RXRA: variants seen among roughly 807,000 people sequenced by gnomAD.
RXRA encodes retinoid X receptor alpha.
In RXRA, 5 loss-of-function variants were observed where a neutral mutation model predicts 44.5. That is an observed-to-expected ratio of 0.11 (90% CI 0.06 to 0.24). The LOEUF (loss-of-function observed/expected upper bound fraction) is 0.24. Ranked by LOEUF, RXRA falls within the 10% of genes least tolerant of loss-of-function variation. The probability of loss-of-function intolerance (pLI) is 1.00; values close to 1 mark genes in which losing one functional copy is unlikely to be tolerated. For missense variants in RXRA, 412 were observed against 646.5 expected (o/e 0.64, Z 3.93); for synonymous variants, 291 against 271.4 (o/e 1.07, Z -0.71).
At chr9:134,425,500 G>A (rs1274667850) in intron 6 of RXRA, 2 of 981,002 alleles carry the variant, frequency 2.0e-6, no homozygotes, top group Admixed American at 6.4e-5. Context: ...CAGCGGGGTC[G>A]TCTGAGGGCC....
In RXRA at chr9:134,343,043, C is replaced by T. The variant is rs1474648969; in HGVS notation, c.28+16384C>T. 6.6e-6 allele frequency among the ~76,000 whole-genome samples: 1 copy of T among 152,178 alleles called. No individual in the cohort carries two copies. Among genetic ancestry groups the T allele is most frequent in the African/African-American group, 2.4e-5 (1 of 41,446 alleles). On this transcript the variant is annotated intron_variant, in intron 1 of 9. Transcript: ENST00000481739. The surrounding 1 kb of genome is among the most constrained non-coding windows in gnomAD (Gnocchi z 4.1). The stretch of plus-strand genomic sequence containing the variant: ...GCCCCAGCAGATTATGGGATTTTCA[C>T]CTGCCCAGCCCTGGGAGGTGTCTTG...
intron 1 of RXRA, among the ~76,000 whole-genome samples, chr9:134,398,332 G>T (rs897164052): frequency 6.7e-6 from 1 of 150,242 alleles, no homozygotes; most frequent in Non-Finnish European, 1.5e-5. Context: ...ACTTAATCAG[G>T]GGTGGGGACG....
rs942895704 is a variant in RXRA at position 134,433,037 on chromosome 9, A to G, written c.1135+1041A>G. Among the ~76,000 whole-genome samples the G allele has an allele frequency of 2.0e-5, 3 of 151,970 alleles. No homozygotes were observed. Among genetic ancestry groups the G allele is most frequent in the Non-Finnish European group, 2.9e-5 (2 of 67,982 alleles). The stretch of plus-strand genomic sequence containing the variant: ...CTGCTGTGGGGAGCTCACTTGGGCT[A>G]TGGTGGAGGGAGTGGAGCCCTCTCG... On this transcript the variant is annotated intron_variant, in intron 8 of 9. Coordinates refer to ENST00000481739, the MANE Select transcript of RXRA (RefSeq NM_002957.6). The surrounding 1 kb of genome is among the most constrained non-coding windows in gnomAD (Gnocchi z 4.2).
intron 6 of RXRA, chr9:134,424,796 G>A: frequency 1.0e-6 from 1 of 985,470 alleles, no homozygotes. Flanking sequence ...CCCCTCCAGG[G>A]GGCTCAGGTC....
intron 1 of RXRA, among the ~76,000 whole-genome samples, chr9:134,359,465 G>T (rs1320934221): frequency 6.6e-6 from 1 of 151,998 alleles, no homozygotes; most frequent in Non-Finnish European, 1.5e-5. Flanking sequence ...CCTCTCCACC[G>T]GGTGCGCCCT....
At chr9:134,406,408 A>AG (rs1239830816) in intron 2 of RXRA, 3 of 152,060 alleles carry the variant, frequency 2.0e-5, no homozygotes, top group South Asian at 2.1e-4. Context: ...AAAAAAAAAA[A>AG]AAAAAAGAGA....
intron 1 of RXRA, chr9:134,380,274 T>C (rs1311778672): frequency 1.2e-6 from 1 of 849,576 alleles, no homozygotes; most frequent in Non-Finnish European, 1.4e-6. Context: ...CACTGTGAGC[T>C]GGCGTGCTGA....
intron 1 of RXRA, 175 bp from the exon 2 acceptor site, chr9:134,401,457 C>T (rs1588288643): frequency 7.2e-6 from 7 of 971,684 alleles, no homozygotes; most frequent in East Asian, 4.8e-5. Flanking sequence ...CTGGGCACAC[C>T]TGGCCCGTAG....
At chr9:134,326,939 C>G (rs1403637742) in intron 1 of RXRA, among the ~76,000 whole-genome samples, 3 of 150,532 alleles carry the variant, frequency 2.0e-5, no homozygotes, top group East Asian at 3.9e-4. Flanking sequence ...TCCCGCTCAC[C>G]GGCGGCCGCC....
In RXRA at chr9:134,417,664, C is replaced by T. The variant is rs939967833; in HGVS notation, c.780+337C>T. Among the ~76,000 whole-genome samples, 6 of 152,246 alleles carry T rather than the reference C, an allele frequency of 3.9e-5. No individual in the cohort carries two copies. Among genetic ancestry groups the T allele is most frequent in the South Asian group, 2.1e-4 (1 of 4,826 alleles). ...TGTCCCCTCGGAGTTTGGCCTGTCT[C>T]GGTGCAGAGGCTGTCCCTGCTCCCC... On this transcript the variant is annotated intron_variant, in intron 5 of 9. Transcript: ENST00000481739. This position sits in a 1 kb window ranked among gnomAD's most constrained non-coding sequence, Gnocchi z 6.1.
At position 134,438,949 on chromosome 9, in the gene RXRA, A is replaced by G. The variant is rs1172446847; in HGVS notation, c.*2335A>G. On this transcript the variant is annotated 3_prime_UTR_variant, in exon 10 of 10. Transcript: ENST00000481739. ...CCACAGCAGCCTTACCCACCGCTCTACGTGTCCCGGGCACTTCCCGCAGCC... is the reference window on the plus strand; with the variant it reads ...CCACAGCAGCCTTACCCACCGCTCTGCGTGTCCCGGGCACTTCCCGCAGCC... The G allele has an allele frequency of 2.0e-5, 3 of 152,306 alleles. No individual in the cohort carries two copies. In the East Asian group the frequency reaches 5.8e-4, roughly 29 times the overall value. The allele number at this position is 152,306 out of a possible 1,614,324, so 9.4% of individuals were successfully genotyped here.
chr9:134,327,240 G>A (rs1834930385), intron 1 of RXRA, among the ~76,000 whole-genome samples: 1 of 152,166 alleles, frequency 6.6e-6, no homozygotes. Flanking sequence ...GTCAGACCTG[G>A]GAAGGCCCCA....
intron 1 of RXRA, among the ~76,000 whole-genome samples, chr9:134,353,885 G>A (rs1024834211): frequency 4.6e-5 from 7 of 152,192 alleles, no homozygotes; most frequent in African/African-American, 1.7e-4. Flanking sequence ...CGGTGAGCTC[G>A]GACAGCCTGG....
At chr9:134,386,373 A>C (rs903934376) in intron 1 of RXRA, among the ~76,000 whole-genome samples, 1 of 152,158 alleles carries the variant, frequency 6.6e-6, no homozygotes, top group Non-Finnish European at 1.5e-5. Context: ...CGGGCGGGGG[A>C]CCGCAGGTGG....
chr9:134,368,839 C>A (rs750143263), intron 1 of RXRA, among the ~76,000 whole-genome samples: 7 of 136,080 alleles, frequency 5.1e-5, no homozygotes, highest in Non-Finnish European at 9.2e-5. Context: ...TGTGTGACTG[C>A]ATATGTGTGT....
At chr9:134,401,163 C>G (rs1480706943) in intron 1 of RXRA, among the ~76,000 whole-genome samples, 2 of 152,260 alleles carry the variant, frequency 1.3e-5, no homozygotes, top group Non-Finnish European at 2.9e-5. Context: ...CTGACCAGGT[C>G]CTGGTACACG....
chr9:134,424,421 AG>A, intron 6 of RXRA: 1 of 985,358 alleles, frequency 1.0e-6, no homozygotes, highest in South Asian at 4.7e-5. Context: ...GCGCCCACTG[AG>A]GTCCTTGCTG....
chr9:134,409,237 G>T, intron 4 of RXRA, 118 bp downstream of exon 4: 1 of 1,073,000 alleles, frequency 9.3e-7, no homozygotes, highest in Non-Finnish European at 1.3e-6. Context: ...CAGAAGCATG[G>T]CAAGGCCAAG....
rs1373167169 is a variant in RXRA, at chr9:134,439,425, T to C, written c.*2811T>C. 3 of 152,354 alleles carry C rather than the reference T, an allele frequency of 2.0e-5. No individual in the cohort carries two copies. The highest frequency in any genetic ancestry group is 2.0e-4 in the Admixed American group (3 of 15,312). The allele number at this position is 152,354 out of a possible 1,614,324, so 9.4% of individuals were successfully genotyped here. A position where few individuals can be genotyped will look rare whatever the true frequency, so the allele number is the denominator to read the frequency against. The stretch of plus-strand genomic sequence containing the variant: ...TCCCCTAGGCTGCGTCGGGCATGCT[T>C]GGAAGCTGGCCTGCCAGGACCTTCC... On this transcript the variant is annotated 3_prime_UTR_variant, in exon 10 of 10. Transcript: ENST00000481739.
Sources: gnomAD v4.1 joint callset for allele counts (sites outside exome capture counted in the v4.1 genomes callset) on GRCh38, gnomAD v4.1.1 for gene constraint, Gnocchi (gnomAD v3.1) non-coding constraint, MANE v1.5 for transcripts, NCBI Gene and HGNC (gene_info 2026-07-23, HGNC 2026-07-21) for gene names.